The following PARG variants were observed in gnomAD, a reference collection of about 807,000 sequenced individuals.
The protein encoded by PARG is mitochondrial poly(ADP-ribose) glycohydrolase.
PARG carries 35 observed loss-of-function variants against 113.0 expected under a neutral mutation model. The ratio of observed to expected loss-of-function variants is 0.31; its 90% confidence interval spans 0.24 to 0.41. The LOEUF (loss-of-function observed/expected upper bound fraction) is 0.41. Among genes scored for constraint, PARG ranks in the 10% least tolerant of loss-of-function variants. PARG has a pLI of 1.00. For missense variants in PARG, 797 were observed against 1,169.4 expected (o/e 0.68, Z 4.64); for synonymous variants, 330 against 409.9 (o/e 0.81, Z 2.36).
intron 7 of PARG, among the ~76,000 whole-genome samples, chr10:49,885,935 C>A (rs1847455664): frequency 6.6e-6 from 1 of 152,198 alleles, no homozygotes; most frequent in African/African-American, 2.4e-5. Context: ...AATTTCCCCT[C>A]TCTATAACAC....
chr10:49,930,359 T>C (rs1419391494), intron 4 of PARG, among the ~76,000 whole-genome samples: 2 of 150,954 alleles, frequency 1.3e-5, no homozygotes, highest in East Asian at 4.0e-4. Context: ...CTCTCCTGTC[T>C]CCCAGTGTAT....
chr10:49,927,377 A>G (rs201740248), intron 4 of PARG, among the ~76,000 whole-genome samples: 3,556 of 36,592 alleles, frequency 0.097, 32 homozygotes, highest in East Asian at 0.22. Flanking sequence ...AAGGAAAGAA[A>G]GAAAGAAAGA....
intron 16 of PARG, among the ~76,000 whole-genome samples, chr10:49,830,222 C>A (rs782741446): frequency 2.0e-5 from 3 of 152,214 alleles, no homozygotes; most frequent in Non-Finnish European, 4.4e-5. Context: ...CAAATGACCA[C>A]GGCTTACAGC....
At chr10:49,927,325 AGAAG>A (rs1226339774) in intron 4 of PARG, among the ~76,000 whole-genome samples, 4 of 136,336 alleles carry the variant, frequency 2.9e-5, no homozygotes, top group African/African-American at 9.8e-5. Context: ...AAAGAAAGAA[AGAAG>A]GAAAGAAGGA....
intron 15 of PARG, among the ~76,000 whole-genome samples, chr10:49,841,741 C>A (rs1300324335): frequency 1.3e-5 from 2 of 152,164 alleles, no homozygotes; most frequent in Non-Finnish European, 2.9e-5. Context: ...AACTAAGCAA[C>A]AGCCTATCTG....
intron 16 of PARG, among the ~76,000 whole-genome samples, chr10:49,821,788 T>C (rs191548441): frequency 3.9e-5 from 6 of 151,990 alleles, no homozygotes; most frequent in Admixed American, 3.9e-4. Context: ...AAACCTACAA[T>C]TGAAGGTAAA....
chr10:49,822,942 A>G (rs1256900228), intron 16 of PARG, among the ~76,000 whole-genome samples: 2 of 152,194 alleles, frequency 1.3e-5, no homozygotes, highest in African/African-American at 2.4e-5. Flanking sequence ...AATATTCTCA[A>G]TTCAAAAGGA....
At chr10:49,883,316 G>T (rs1443399505) in intron 8 of PARG, among the ~76,000 whole-genome samples, 1 of 151,634 alleles carries the variant, frequency 6.6e-6, no homozygotes, top group African/African-American at 2.4e-5. Context: ...TGTCCATAGG[G>T]CCCCTGTGGA....
chr10:49,832,506 A>G (rs1329419542), intron 16 of PARG, among the ~76,000 whole-genome samples: 1 of 152,140 alleles, frequency 6.6e-6, no homozygotes, highest in East Asian at 1.9e-4. Context: ...GGAAAGTGAA[A>G]ACTCAGGTTT....
intron 11 of PARG, among the ~76,000 whole-genome samples, chr10:49,864,264 AT>A (rs1266290046): frequency 6.7e-5 from 10 of 150,290 alleles, no homozygotes; most frequent in African/African-American, 2.2e-4. Context: ...TTTCTGGCTC[AT>A]TTTTTTTTCT....
At chr10:49,824,480 AG>A (rs575439914) in intron 16 of PARG, among the ~76,000 whole-genome samples, 98 of 152,356 alleles carry the variant, frequency 6.4e-4, no homozygotes, top group African/African-American at 2.3e-3. Flanking sequence ...ATTAACCTGC[AG>A]GGAGCTTGGT....
At position 49,819,200 on chromosome 10, in the gene PARG, G is replaced by C. The variant is rs921484122; in HGVS notation, c.*140C>G. The C allele has an allele frequency of 1.5e-6, 1 of 654,206 alleles. No homozygotes were observed. The highest frequency in any genetic ancestry group is 3.1e-5 in the Admixed American group (1 of 32,236). 40.5% of individuals were successfully genotyped at this position (654,206 alleles called of 1,614,324 possible). ...TACCAACTGACAACTGCACATGTGTGGAAGAGATTGCGTCCTTGACTACAA... is the reference window on the plus strand; with the variant it reads ...TACCAACTGACAACTGCACATGTGTCGAAGAGATTGCGTCCTTGACTACAA... On this transcript the variant is annotated 3_prime_UTR_variant, in exon 18 of 18. Coordinates refer to ENST00000616448, the MANE Select transcript of PARG (RefSeq NM_003631.5).
rs1554839067 is a variant in PARG at position 49,879,769 on chromosome 10, G to A, written c.1892C>T (p.Ala631Val). 12 of 1,492,216 alleles carry A rather than the reference G, an allele frequency of 8.0e-6. No individual in the cohort carries two copies. The allele number at this position is 1,492,216 out of a possible 1,614,324, so 92.4% of individuals were successfully genotyped here. ...HSITMSQEQIASLLANAFFCT... is the reference protein window; with the variant it reads ...HSITMSQEQIVSLLANAFFCT... ...GAAGAAAGCATTAGCTAAAAGACTG[G>A]CAATCTGTTCCTGCGACATTGTGAT... is the stretch of plus-strand genomic sequence containing the variant. The change falls in exon 9 of 18, where the codon GCC becomes GTC. Residue 631 changes from alanine to valine, a missense_variant. Ala to Val is a moderately conservative substitution (Grantham distance 64). This residue lies in a region of PARG where 252 missense variants were observed against 437.4 expected (regional missense o/e 0.58). Transcript: ENST00000616448.
At chr10:49,834,216 G>A (rs1466928221) in intron 15 of PARG, among the ~76,000 whole-genome samples, 2 of 152,160 alleles carry the variant, frequency 1.3e-5, no homozygotes, top group East Asian at 3.8e-4. Context: ...TTGAAAGATA[G>A]TCTGTGTCAT....
intron 13 of PARG, among the ~76,000 whole-genome samples, chr10:49,845,329 A>T (rs1362420754): frequency 2.0e-5 from 3 of 152,232 alleles, no homozygotes; most frequent in Non-Finnish European, 4.4e-5. Flanking sequence ...TGTTCATAGC[A>T]GGTTTCCTTA....
chr10:49,840,721 ATACT>A (rs1446174153), intron 15 of PARG, among the ~76,000 whole-genome samples: 4 of 152,230 alleles, frequency 2.6e-5, no homozygotes, highest in African/African-American at 9.6e-5. Context: ...AGGATATAAG[ATACT>A]TAATTATGTT....
At chr10:49,832,374 C>T (rs1844713028) in intron 16 of PARG, among the ~76,000 whole-genome samples, 1 of 152,220 alleles carries the variant, frequency 6.6e-6, no homozygotes, top group Admixed American at 6.5e-5. Context: ...GCAGGCATCA[C>T]ATCTTCTCCA....
intron 7 of PARG, among the ~76,000 whole-genome samples, chr10:49,894,591 G>A (rs1847985094): frequency 6.6e-6 from 1 of 151,976 alleles, no homozygotes; most frequent in Non-Finnish European, 1.5e-5. Flanking sequence ...AAGCCCACAT[G>A]GAAATCCAGT....
At chr10:49,822,292 G>A (rs10857543) in intron 16 of PARG, among the ~76,000 whole-genome samples, 28,946 of 151,924 alleles carry the variant, frequency 0.19, 3,478 homozygotes, top group East Asian at 0.32. Flanking sequence ...TGCTAAAAGG[G>A]CCAAAAGGGA....
Sources: gnomAD v4.1 joint callset for allele counts (sites outside exome capture counted in the v4.1 genomes callset) on GRCh38, gnomAD v4.1.1 for gene constraint, gnomAD v4.1.1 regional missense constraint, MANE v1.5 for transcripts, NCBI Gene and HGNC (gene_info 2026-07-23, HGNC 2026-07-21) for gene names.